Variants in ITGBL1 observed in about 807,000 individuals in gnomAD.
ITGBL1 encodes the protein integrin subunit beta like 1, also known as integrin beta-like protein 1.
In ITGBL1, 51 loss-of-function variants were observed where a neutral mutation model predicts 68.5. The ratio of observed to expected loss-of-function variants is 0.74; its 90% confidence interval spans 0.59 to 0.94. The LOEUF (loss-of-function observed/expected upper bound fraction) is 0.94, where lower values mean the gene tolerates loss of function less well. ITGBL1 is among the 40% of genes least tolerant of loss of function. The pLI, the probability that ITGBL1 is intolerant of heterozygous loss-of-function variation, is 0.00. For synonymous variants in ITGBL1, 209 were observed against 227.3 expected (o/e 0.92, Z 0.72); for missense variants, 649 against 647.4 (o/e 1.00, Z -0.03).
At chr13:101,717,571 T>C (rs1009359199), downstream of ITGBL1, 1 of 152,158 alleles carries the variant, frequency 6.6e-6, no homozygotes, top group African/African-American at 2.4e-5. Flanking sequence ...GTAATACAAA[T>C]GACCTTTGGA....
intron 2 of ITGBL1, among the ~76,000 whole-genome samples, chr13:101,483,225 G>A (rs1196981568): frequency 6.6e-6 from 1 of 152,124 alleles, no homozygotes; most frequent in African/African-American, 2.4e-5. Flanking sequence ...TGATGTTCCT[G>A]GGTAGCCTGA....
At chr13:101,597,689 A>G (rs2030070638) in intron 6 of ITGBL1, among the ~76,000 whole-genome samples, 1 of 151,844 alleles carries the variant, frequency 6.6e-6, no homozygotes, top group South Asian at 2.1e-4. Context: ...AGTAGCTGGG[A>G]TTACAGGTGC....
rs1010484746 is a variant in ITGBL1 at position 101,605,598 on chromosome 13, G to C, written c.1015+7299G>C. ...TATATACACGTATTTAGACACGTAC[G>C]TGTGTATATGCGTATATATATACAC... On this transcript the variant is annotated intron_variant, in intron 7 of 10. Transcript: ENST00000376180. Among the ~76,000 whole-genome samples the C allele has an allele frequency of 9.3e-5, 14 of 150,746 alleles. No individual in the cohort carries two copies. The East Asian group carries it at 1.4e-3, about 15-fold the overall frequency.
chr13:101,705,758 G>C (rs2034249393), intron 8 of ITGBL1, among the ~76,000 whole-genome samples: 1 of 152,236 alleles, frequency 6.6e-6, no homozygotes, highest in Non-Finnish European at 1.5e-5. Flanking sequence ...ATGGTCAGGA[G>C]AGAACGGTGT....
intron 7 of ITGBL1, among the ~76,000 whole-genome samples, chr13:101,691,692 A>G (rs2033885208): frequency 6.6e-6 from 1 of 152,202 alleles, no homozygotes; most frequent in Non-Finnish European, 1.5e-5. Context: ...GTACATTAAG[A>G]TACAATGTGG....
chr13:101,538,684 T>G (rs1420172510), intron 2 of ITGBL1, among the ~76,000 whole-genome samples: 1 of 151,648 alleles, frequency 6.6e-6, no homozygotes, highest in East Asian at 1.9e-4. Context: ...AAAGAAAGTG[T>G]TTCATTCTAA....
At chr13:101,499,882 A>T (rs1469331782) in intron 2 of ITGBL1, among the ~76,000 whole-genome samples, 1 of 152,214 alleles carries the variant, frequency 6.6e-6, no homozygotes, top group Non-Finnish European at 1.5e-5. Flanking sequence ...GATGGAGGAC[A>T]TTCCTGCCTT....
chr13:101,581,414 T>G (rs142634057), intron 5 of ITGBL1, among the ~76,000 whole-genome samples: 158 of 152,324 alleles, frequency 1.0e-3, no homozygotes, highest in Non-Finnish European at 1.9e-3. Context: ...CTTCCAGGTG[T>G]AACCTCCTTT....
intron 2 of ITGBL1, among the ~76,000 whole-genome samples, chr13:101,480,598 T>C (rs2048604905): frequency 6.6e-6 from 1 of 152,050 alleles, no homozygotes; most frequent in Non-Finnish European, 1.5e-5. Flanking sequence ...ATGTGATTAT[T>C]ACACATTCTA....
chr13:101,653,866 T>C (rs2032836245), intron 7 of ITGBL1, among the ~76,000 whole-genome samples: 1 of 121,770 alleles, frequency 8.2e-6, no homozygotes, highest in African/African-American at 3.2e-5. Context: ...TTTTTTTGTT[T>C]TTTGTTTTTT....
At chr13:101,538,399 G>A (rs919256008) in intron 2 of ITGBL1, among the ~76,000 whole-genome samples, 1 of 152,024 alleles carries the variant, frequency 6.6e-6, no homozygotes, top group Non-Finnish European at 1.5e-5. Context: ...TCCCATTTGA[G>A]GGTTAAGAAG....
Position 101,714,250 on chromosome 13 carries a change from CTTTCCTGGG to C in ITGBL1, c.1280-186_1280-178del, listed in dbSNP as rs2034612496. On this transcript the variant is annotated intron_variant, in intron 9 of 10. Coordinates refer to ENST00000376180, the MANE Select transcript of ITGBL1 (RefSeq NM_004791.3). ...CAACTGTCTAGATCCATAATGAAGGCTTTCCTGGGTGACCTTTATGAATTACAGTAAGTA... is the reference window on the plus strand; with the variant it reads ...CAACTGTCTAGATCCATAATGAAGGCTGACCTTTATGAATTACAGTAAGTA... 17 of 591,626 alleles carry C rather than the reference CTTTCCTGGG, an allele frequency of 2.9e-5. No individual in the cohort carries two copies. In the South Asian group the frequency reaches 3.3e-4, roughly 12 times the overall value. 36.6% of individuals were successfully genotyped at this position (591,626 alleles called of 1,614,324 possible).
rs575378242 is a variant in ITGBL1 at position 101,641,869 on chromosome 13, A to G, written c.1015+43570A>G. Among the ~76,000 whole-genome samples the G allele has an allele frequency of 6.9e-4, 104 of 151,726 alleles. 2 individuals carry two copies. In the East Asian group the frequency reaches 0.011, roughly 16 times the overall value. On this transcript the variant is annotated intron_variant, in intron 7 of 10. Transcript: ENST00000376180. ...AGAATGATGATTTCCAATTTCATCC[A>G]TGTCCCTACAAAGGACATGAACTCA...
intron 6 of ITGBL1, among the ~76,000 whole-genome samples, chr13:101,591,881 C>A (rs533402739): frequency 1.3e-5 from 2 of 152,234 alleles, no homozygotes; most frequent in African/African-American, 4.8e-5. Context: ...TTATGGAAAG[C>A]TCAGTTGAAA....
chr13:101,461,396 A>G (rs748737169), intron 2 of ITGBL1, among the ~76,000 whole-genome samples: 1 of 152,242 alleles, frequency 6.6e-6, no homozygotes, highest in Admixed American at 6.5e-5. Context: ...TAGGTGATCA[A>G]TGCCCTAGGA....
At chr13:101,576,860 G>T (rs943582738) in intron 4 of ITGBL1, among the ~76,000 whole-genome samples, 1 of 151,868 alleles carries the variant, frequency 6.6e-6, no homozygotes, top group Non-Finnish European at 1.5e-5. Context: ...TTCTTAAAGG[G>T]CTCAGTCCAA....
chr13:101,506,209 G>A (rs946792365), intron 2 of ITGBL1, among the ~76,000 whole-genome samples: 16 of 152,114 alleles, frequency 1.1e-4, no homozygotes, highest in Admixed American at 7.2e-4. Context: ...CTGATGTGTT[G>A]GATTTTGGAA....
chr13:101,647,496 A>AT (rs2032598440), intron 7 of ITGBL1, among the ~76,000 whole-genome samples: 1 of 152,206 alleles, frequency 6.6e-6, no homozygotes, highest in African/African-American at 2.4e-5. Context: ...AACAAAAAAA[A>AT]ATATATTTGA....
chr13:101,560,179 T>A (rs991954594), intron 2 of ITGBL1, among the ~76,000 whole-genome samples: 2 of 152,212 alleles, frequency 1.3e-5, no homozygotes, highest in Admixed American at 1.3e-4. Context: ...ACATTGTTTT[T>A]TTGTTTCTTA....
Sources: gnomAD v4.1 joint callset for allele counts (sites outside exome capture counted in the v4.1 genomes callset) on GRCh38, gnomAD v4.1.1 for gene constraint, MANE v1.5 for transcripts, NCBI Gene and HGNC (gene_info 2026-07-23, HGNC 2026-07-21) for gene names.